Variants in SELENOP observed in about 807,000 individuals in gnomAD.
SELENOP encodes selenoprotein P, also known as selenoprotein P, plasma, 1.
SELENOP carries 36 observed loss-of-function variants against 41.0 expected under a neutral mutation model. That is an observed-to-expected ratio of 0.88 (90% confidence interval 0.67 to 1.16). The LOEUF (loss-of-function observed/expected upper bound fraction) is 1.16, where lower values mean the gene tolerates loss of function less well. Ranked by LOEUF, SELENOP falls within the 50% of genes most tolerant of loss-of-function variation. The probability of loss-of-function intolerance (pLI) is 0.00; values close to 1 mark genes in which losing one functional copy is unlikely to be tolerated. For missense variants in SELENOP, 440 were observed against 454.2 expected (o/e 0.97, Z 0.28); for synonymous variants, 144 against 150.8 (o/e 0.95, Z 0.33).
chr5:42,802,667 G>T (rs563332568), intron 4 of SELENOP, among the ~76,000 whole-genome samples: 15 of 152,316 alleles, frequency 9.8e-5, no homozygotes, highest in African/African-American at 3.1e-4. Context: ...CTGGAGTGCA[G>T]TGGCACGACC....
rs771047626 is a variant in SELENOP at position 42,808,273 on chromosome 5, T to C, written c.81A>G (p.Leu27=). 1 of 1,571,674 alleles carries C rather than the reference T, an allele frequency of 6.4e-7. No homozygotes were observed. Among genetic ancestry groups the C allele is most frequent in the Admixed American group, 1.8e-5 (1 of 54,652 alleles). The change falls in exon 2 of 5, where the codon TTA becomes TTG. Residue 27 remains leucine, a synonymous_variant. Coordinates refer to ENST00000514985, the MANE Select transcript of SELENOP (RefSeq NM_005410.4). The part of the protein sequence containing the change: ...GGTESQDQSS[L]CKQPPAWSIR... ...TGCTCCAGGCTGGGGGTTGCTTACA[T>C]AAGGAGCTTTGGTCCTGGCTCTCTG...
At position 42,806,904 on chromosome 5, in the gene SELENOP, T is replaced by C. The variant is rs779106059; in HGVS notation, c.408A>G (p.Ile136Met). 26 of 1,599,740 alleles carry C rather than the reference T, an allele frequency of 1.6e-5. No individual in the cohort carries two copies. Among genetic ancestry groups the C allele is most frequent in the East Asian group, 1.3e-4 (6 of 44,580 alleles). Reference sequence around the variant, plus strand: ...TGTGTGTATGTACAAACCTATCATATATGAGGAAGTCATCTTTGCTTCCAT... The same window carrying C: ...TGTGTGTATGTACAAACCTATCATACATGAGGAAGTCATCTTTGCTTCCAT... ...LLNGSKDDFL[I>M]YDRCGRLVYH... Residue 136 changes from isoleucine to methionine, a missense_variant, in exon 3 of 5, where the codon ATA becomes ATG. Coordinates refer to ENST00000514985, the MANE Select transcript of SELENOP (RefSeq NM_005410.4).
At chr5:42,809,099 T>G (rs879616469) in intron 1 of SELENOP, among the ~76,000 whole-genome samples, 1 of 152,126 alleles carries the variant, frequency 6.6e-6, no homozygotes, top group Admixed American at 6.5e-5. Flanking sequence ...CATTCTATAT[T>G]TATCTCTTGG....
chr5:42,809,723 T>C, intron 1 of SELENOP: 1 of 772,392 alleles, frequency 1.3e-6, no homozygotes, highest in Non-Finnish European at 1.6e-6. Flanking sequence ...TTAACCCTGA[T>C]TGTCTTTCAC....
At chr5:42,804,218 T>C (rs1373290455) in intron 4 of SELENOP, among the ~76,000 whole-genome samples, 1 of 152,156 alleles carries the variant, frequency 6.6e-6, no homozygotes, top group African/African-American at 2.4e-5. Context: ...TCCCAGCACT[T>C]TGGGAGGCCG....
Position 42,801,242 on chromosome 5 carries a change from C to A in SELENOP, c.624G>T (p.Glu208Asp), listed in dbSNP as rs778453889. 1 of 1,614,046 alleles carries A rather than the reference C, an allele frequency of 6.2e-7. No homozygotes were observed. The highest frequency in any genetic ancestry group is 1.1e-5 in the South Asian group (1 of 91,076). The change falls in exon 5 of 5, where the codon GAG becomes GAT. Residue 208 changes from glutamate (E) to aspartate (D), a missense_variant. Transcript: ENST00000514985. Reference sequence around the variant, plus strand: ...GCTGATGTCCATGATTGTGATGATGCTCATGATGGTAATGAGGCGATGGAG... The same window carrying A: ...GCTGATGTCCATGATTGTGATGATGATCATGATGGTAATGAGGCGATGGAG... ...VETPSPHYHH[E>D]HHHNHGHQHL...
At chr5:42,809,630 G>A (rs1760417466) in intron 1 of SELENOP, 2 of 180,014 alleles carry the variant, frequency 1.1e-5, no homozygotes, top group South Asian at 1.9e-4. Context: ...TACTTAGAGT[G>A]AGCCCAGAAT....
At position 42,800,941 on chromosome 5, in the gene SELENOP, A is replaced by G. The variant is rs1760178143; in HGVS notation, c.925T>C (p.Phe309Leu). 3 of 1,614,228 alleles carry G rather than the reference A, an allele frequency of 1.9e-6. No homozygotes were observed. Among genetic ancestry groups the G allele is most frequent in the African/African-American group, 2.7e-5 (2 of 75,054 alleles). The change falls in exon 5 of 5, where the codon TTT becomes CTT. Residue 309 changes from phenylalanine to leucine, a missense_variant. Coordinates refer to ENST00000514985, the MANE Select transcript of SELENOP (RefSeq NM_005410.4). The part of the protein sequence containing the change: ...SUCCHCRHLI[F>L]EKTGSAITUQ... ...GTGATTGCAGACCCTGTTTTTTCAAATATCAGATGTCGACAATGGCAGCAT... is the reference window on the plus strand; with the variant it reads ...GTGATTGCAGACCCTGTTTTTTCAAGTATCAGATGTCGACAATGGCAGCAT...
intron 1 of SELENOP, among the ~76,000 whole-genome samples, chr5:42,811,001 A>G (rs1281589337): frequency 6.6e-6 from 1 of 152,240 alleles, no homozygotes; most frequent in Admixed American, 6.5e-5. Flanking sequence ...ATATAAAAAT[A>G]ATGAAGATAA....
chr5:42,810,763 C>A, intron 1 of SELENOP: 1 of 1,105,786 alleles, frequency 9.0e-7, no homozygotes, highest in Non-Finnish European at 1.1e-6. Context: ...CAGCCCAGAG[C>A]ACATATTGCA....
In SELENOP at chr5:42,801,100, C is replaced by A; in HGVS notation, c.766G>T (p.Gly256Cys). Residue 256 changes from glycine to cysteine, a missense_variant, in exon 5 of 5, where the codon GGT becomes TGT. Transcript: ENST00000514985. Reference sequence around the variant, plus strand: ...GGCATATCTCGGTTCTCTGGGTGACCCTGCCTATGCTGACCCTTGTGCTTA... The same window carrying A: ...GGCATATCTCGGTTCTCTGGGTGACACTGCCTATGCTGACCCTTGTGCTTA... ...HHKHKGQHRQ[G>C]HPENRDMPAS... The A allele has an allele frequency of 6.2e-7, 1 of 1,613,952 alleles. No homozygotes were observed. The highest frequency in any genetic ancestry group is 8.5e-7 in the Non-Finnish European group (1 of 1,179,992).
Position 42,804,785 on chromosome 5 carries a change from G to A in SELENOP, c.417-12C>T, listed in dbSNP as rs769757502. On this transcript the variant is annotated splice_polypyrimidine_tract_variant and intron_variant, in intron 3 of 4. Coordinates refer to ENST00000514985, the MANE Select transcript of SELENOP (RefSeq NM_005410.4). ...CAAGACGGCCACATCTAAGAAAAAG[G>A]ACAAATACAATGTCACTATAATATT... 8 of 1,437,308 alleles carry A rather than the reference G, an allele frequency of 5.6e-6. No individual in the cohort carries two copies. The highest frequency in any genetic ancestry group is 7.8e-6 in the Non-Finnish European group (8 of 1,024,068). The allele number at this position is 1,437,308 out of a possible 1,614,324, so 89.0% of individuals were successfully genotyped here.
chr5:42,808,310 G>A lies in SELENOP; in HGVS notation c.44C>T (p.Pro15Leu). ...GTCCTGGCTCTCTGTTCCTCCCGAT[G>A]GGAGGAGACAGAGAGCCAGGGCAAG... The part of the protein sequence containing the change: ...LGLALALCLL[P>L]SGGTESQDQS... Residue 15 changes from proline (P) to leucine (L), a missense_variant, in exon 2 of 5, where the codon CCA becomes CTA. Physicochemically the swap from Pro to Leu is moderately conservative, Grantham distance 98 (BLOSUM62 -3). Transcript: ENST00000514985. 1 of 1,481,388 alleles carries A rather than the reference G, an allele frequency of 6.8e-7. No individual in the cohort carries two copies. Among genetic ancestry groups the A allele is most frequent in the Non-Finnish European group, 9.0e-7 (1 of 1,117,178 alleles). The allele number at this position is 1,481,388 out of a possible 1,614,324, so 91.8% of individuals were successfully genotyped here.
At chr5:42,810,868 T>G in intron 1 of SELENOP, 1 of 625,848 alleles carries the variant, frequency 1.6e-6, no homozygotes. Flanking sequence ...CAGAGAGTTG[T>G]AGCTTAAGAG....
chr5:42,803,126 C>T (rs567327190), intron 4 of SELENOP, among the ~76,000 whole-genome samples: 1 of 151,874 alleles, frequency 6.6e-6, no homozygotes, highest in African/African-American at 2.4e-5. Flanking sequence ...AATAGAAAAA[C>T]TCCAATCGGA....
chr5:42,806,855 T>C lies in SELENOP; in HGVS notation c.416+41A>G, dbSNP rs372953398. On this transcript the variant is annotated intron_variant, in intron 3 of 4. Transcript: ENST00000514985. ...AAGTAAATAAATAGATACGAAACAG[T>C]TATTTTTAAATTTGGGATGTGTTTG... 17 of 1,180,018 alleles carry C rather than the reference T, an allele frequency of 1.4e-5. No individual in the cohort carries two copies. In the African/African-American group the frequency reaches 2.0e-4, roughly 14 times the overall value. The allele number at this position is 1,180,018 out of a possible 1,614,324, so 73.1% of individuals were successfully genotyped here.
Position 42,800,889 on chromosome 5 carries a change from G to A in SELENOP, c.977C>T (p.Ser326Phe), listed in dbSNP as rs769140982. 6.2e-7 allele frequency: 1 copy of A among 1,614,198 alleles called. No homozygotes were observed. The highest frequency in any genetic ancestry group is 8.5e-7 in the Non-Finnish European group (1 of 1,180,026). Residue 326 changes from serine (S) to phenylalanine (F), a missense_variant, in exon 5 of 5, where the codon TCT becomes TTT. Physicochemically the swap from Ser to Phe is radical, Grantham distance 155 (BLOSUM62 -2). Transcript: ENST00000514985. Reference sequence around the variant, plus strand: ...CCGAAGTCCCTGTCAGCTACATAAAGATGGGAGGTTTTCTTTACACTGTCA... The same window carrying A: ...CCGAAGTCCCTGTCAGCTACATAAAAATGGGAGGTTTTCTTTACACTGTCA... Reference protein sequence around the residue: ...ITUQCKENLPSLCSUQGLRAE... With the variant: ...ITUQCKENLPFLCSUQGLRAE...
chr5:42,811,223 T>C (rs1050854622), intron 1 of SELENOP, among the ~76,000 whole-genome samples: 7 of 152,230 alleles, frequency 4.6e-5, no homozygotes, highest in African/African-American at 1.7e-4. Flanking sequence ...TGAAAGCCCC[T>C]AATTCACCTG....
Position 42,800,672 on chromosome 5 carries a change from T to A in SELENOP, c.*48A>T, listed in dbSNP as rs753136280. 11 of 1,513,054 alleles carry A rather than the reference T, an allele frequency of 7.3e-6. No individual in the cohort carries two copies. Among genetic ancestry groups the A allele is most frequent in the Non-Finnish European group, 9.7e-6 (11 of 1,131,520 alleles). 93.7% of individuals were successfully genotyped at this position (1,513,054 alleles called of 1,614,324 possible). On this transcript the variant is annotated 3_prime_UTR_variant, in exon 5 of 5. Transcript: ENST00000514985. ...TGGTAGTTTATAAAAATGCTGGAAA[T>A]GAAATTGTGTCTAGACTAAATTGGG...
Sources: allele counts gnomAD v4.1 joint callset (sites outside exome capture counted in the v4.1 genomes callset), GRCh38; gene constraint gnomAD v4.1.1; transcripts MANE v1.5; gene names NCBI Gene and HGNC (gene_info 2026-07-23, HGNC 2026-07-21).